Variants in HORMAD2 observed in about 807,000 individuals in gnomAD.
The protein encoded by HORMAD2 is HORMA domain-containing protein 2.
HORMAD2 carries 45 observed loss-of-function variants against 38.8 expected under a neutral mutation model. That is an observed-to-expected ratio of 1.16 (90% confidence interval 0.91 to 1.49). HORMAD2 has a LOEUF of 1.49. Among genes scored for constraint, HORMAD2 ranks in the 40% most tolerant of loss-of-function variants. HORMAD2 has a pLI of 0.00. For synonymous variants in HORMAD2, 126 were observed against 122.8 expected (o/e 1.03, Z -0.17); for missense variants, 338 against 367.0 (o/e 0.92, Z 0.65).
the HORMAD2 span, among the ~76,000 whole-genome samples, chr22:30,204,224 A>C: frequency 9.9e-5 from 15 of 152,282 alleles, no homozygotes; most frequent in Admixed American, 8.5e-4. Context: ...CCATAGCCCC[A>C]GGTCACCCAC....
At chr22:30,105,858 T>G (rs940624707) in intron 5 of HORMAD2, among the ~76,000 whole-genome samples, 1 of 152,190 alleles carries the variant, frequency 6.6e-6, no homozygotes, top group African/African-American at 2.4e-5. Flanking sequence ...AGTGTCTCTT[T>G]TGGGATCTCT....
At chr22:30,103,594 A>G (rs1226326922) in intron 4 of HORMAD2, 94 bp downstream of exon 4, 1 of 596,074 alleles carries the variant, frequency 1.7e-6, no homozygotes, top group East Asian at 3.2e-5. Flanking sequence ...TCATTTTTTA[A>G]AAAACCATTT....
intron 1 of HORMAD2, among the ~76,000 whole-genome samples, chr22:30,086,501 G>A (rs2068573185): frequency 6.6e-6 from 1 of 152,158 alleles, no homozygotes; most frequent in Non-Finnish European, 1.5e-5. Context: ...GGAAAATAGA[G>A]CTGAGGCTAG....
At chr22:30,094,117 C>A in intron 2 of HORMAD2, 114 bp downstream of exon 2, 1 of 709,652 alleles carries the variant, frequency 1.4e-6, no homozygotes. Context: ...AGTTAATTGG[C>A]ACATAATATT....
intron 10 of HORMAD2, among the ~76,000 whole-genome samples, chr22:30,159,188 T>C (rs866676912): frequency 4.6e-5 from 7 of 152,152 alleles, no homozygotes; most frequent in African/African-American, 9.7e-5. Flanking sequence ...CTCTTAATCA[T>C]TGAATTTTGA....
rs552020926 is a variant in HORMAD2 at position 30,100,921 on chromosome 22, A to G, written c.193+1928A>G. On this transcript the variant is annotated intron_variant, in intron 3 of 10. Transcript: ENST00000336726. ...CCAGTTAGAACGGAAATCACTAAAA[A>G]GTCAGGAAACAACAGATGCTGGAGA... Among the ~76,000 whole-genome samples, 195 of 152,354 alleles carry G rather than the reference A, an allele frequency of 1.3e-3. 1 individual carries two copies. The highest frequency in any genetic ancestry group is 4.6e-3 in the African/African-American group (191 of 41,588).
intron 5 of HORMAD2, among the ~76,000 whole-genome samples, chr22:30,108,007 T>TA (rs1921332978): frequency 6.6e-6 from 1 of 151,686 alleles, no homozygotes; most frequent in Non-Finnish European, 1.5e-5. Flanking sequence ...TAGCTGGGAC[T>TA]ACAGGCACGT....
At chr22:30,180,043 C>A (rs1926634953), downstream of HORMAD2, among the ~76,000 whole-genome samples, 1 of 152,076 alleles carries the variant, frequency 6.6e-6, no homozygotes, top group African/African-American at 2.4e-5. Context: ...TACATGCCAC[C>A]ATGCCCAGAT....
intron 10 of HORMAD2, among the ~76,000 whole-genome samples, chr22:30,151,318 T>C (rs1168435368): frequency 6.6e-6 from 1 of 152,194 alleles, no homozygotes; most frequent in Non-Finnish European, 1.5e-5. Context: ...TAAATGTGTG[T>C]GTCAATCTGC....
chr22:30,181,320 T>C (rs1323757261), downstream of HORMAD2, among the ~76,000 whole-genome samples: 1 of 152,034 alleles, frequency 6.6e-6, no homozygotes, highest in African/African-American at 2.4e-5. Context: ...AGTTTGGATT[T>C]CTATGCTGCT....
At chr22:30,190,239 A>G in the HORMAD2 span, among the ~76,000 whole-genome samples, 1 of 152,162 alleles carries the variant, frequency 6.6e-6, no homozygotes, top group African/African-American at 2.4e-5. Context: ...TCTCTACTAA[A>G]GTAATTTCAG....
intron 10 of HORMAD2, among the ~76,000 whole-genome samples, chr22:30,146,131 A>T (rs1924398310): frequency 1.3e-5 from 2 of 152,252 alleles, no homozygotes; most frequent in African/African-American, 4.8e-5. Context: ...GAAGAACCAC[A>T]TGATCATCTC....
chr22:30,131,312 T>G (rs957607586), intron 10 of HORMAD2, among the ~76,000 whole-genome samples: 1 of 152,220 alleles, frequency 6.6e-6, no homozygotes, highest in African/African-American at 2.4e-5. Context: ...TTCCAGTTTA[T>G]TAAGTCATTA....
the HORMAD2 span, among the ~76,000 whole-genome samples, chr22:30,185,136 CT>C: frequency 6.6e-6 from 1 of 152,148 alleles, no homozygotes; most frequent in African/African-American, 2.4e-5. Context: ...TGTGATCCCT[CT>C]GCCTGGGCTC....
chr22:30,174,651 G>A (rs573551274), intron 10 of HORMAD2, among the ~76,000 whole-genome samples: 3 of 152,218 alleles, frequency 2.0e-5, no homozygotes, highest in East Asian at 1.9e-4. Context: ...TTGAGAATTC[G>A]TACACTCATC....
At chr22:30,195,009 A>G in the HORMAD2 span, among the ~76,000 whole-genome samples, 4 of 152,000 alleles carry the variant, frequency 2.6e-5, no homozygotes, top group African/African-American at 4.8e-5. Context: ...TGGCTAACAC[A>G]GCGAAACCCC....
chr22:30,192,982 G>A, the HORMAD2 span, among the ~76,000 whole-genome samples: 1 of 152,156 alleles, frequency 6.6e-6, no homozygotes, highest in Non-Finnish European at 1.5e-5. Flanking sequence ...CCTTATCAGA[G>A]TTCCAGATAA....
At chr22:30,205,515 C>T in the HORMAD2 span, among the ~76,000 whole-genome samples, 6 of 152,120 alleles carry the variant, frequency 3.9e-5, no homozygotes, top group Non-Finnish European at 5.9e-5. Flanking sequence ...CTCTCATTCC[C>T]GGACGTCCAG....
At chr22:30,129,362 A>G (rs2146147947) in intron 10 of HORMAD2, among the ~76,000 whole-genome samples, 1 of 152,192 alleles carries the variant, frequency 6.6e-6, no homozygotes, top group South Asian at 2.1e-4. Flanking sequence ...GATAACACCT[A>G]CATAATGTAA....
Sources: gnomAD v4.1 joint callset for allele counts (sites outside exome capture counted in the v4.1 genomes callset) on GRCh38, gnomAD v4.1.1 for gene constraint, MANE v1.5 for transcripts, NCBI Gene and HGNC (gene_info 2026-07-23, HGNC 2026-07-21) for gene names.